Variants in KAT6A observed in about 807,000 individuals in gnomAD.
The protein encoded by KAT6A is lysine acetyltransferase 6A.
In KAT6A, 9 loss-of-function variants were observed where a neutral mutation model predicts 198.4. That is an observed-to-expected ratio of 0.05 (90% CI 0.03 to 0.08). The LOEUF (loss-of-function observed/expected upper bound fraction) is 0.08, where lower values mean the gene tolerates loss of function less well. KAT6A is among the 10% of genes least tolerant of loss of function. KAT6A has a pLI of 1.00. For missense variants in KAT6A, 2,077 were observed against 2,509.9 expected (o/e 0.83, Z 3.69); for synonymous variants, 890 against 883.0 (o/e 1.01, Z -0.14).
At position 42,049,161 on chromosome 8, in the gene KAT6A, C is replaced by A; in HGVS notation, c.-184G>T. 1.7e-6 allele frequency: 1 copy of A among 582,496 alleles called. No homozygotes were observed. Among genetic ancestry groups the A allele is most frequent in the Non-Finnish European group, 3.0e-6 (1 of 337,524 alleles). 36.1% of individuals were successfully genotyped at this position (582,496 alleles called of 1,614,324 possible). ...GCCACCCCAATTGTACTATAGAAAC[C>A]AAAACAACCTGTTGATTGAAATGTC... On this transcript the variant is annotated 5_prime_UTR_variant, in exon 2 of 17. Transcript: ENST00000265713.
chr8:41,949,385 A>G (rs1295780089), intron 9 of KAT6A, 22 bp from the exon 10 acceptor site: 1 of 1,465,940 alleles, frequency 6.8e-7, no homozygotes, highest in Non-Finnish European at 9.0e-7. Context: ...AATTAAACAA[A>G]AAAGACAGGG....
rs370052957 is a variant in KAT6A at position 41,934,176 on chromosome 8, T to G, written c.4044A>C (p.Gln1348His). Reference sequence around the variant, plus strand: ...GCATATTAGCATCTAAAAAAGACTCTTGAACACCAGGCTCCTCCTTGACAT... The same window carrying G: ...GCATATTAGCATCTAAAAAAGACTCGTGAACACCAGGCTCCTCCTTGACAT... ...REDVKEEPGVQESFLDANMQK... is the reference protein window; with the variant it reads ...REDVKEEPGVHESFLDANMQK... Residue 1348 changes from glutamine (Q) to histidine (H), a missense_variant, in exon 17 of 17, where the codon CAA becomes CAC. By Grantham distance (24) the Gln-to-His change is conservative. This residue lies in a region of KAT6A where 375 missense variants were observed against 383.0 expected (regional missense o/e 0.98). Transcript: ENST00000265713. 6.2e-7 allele frequency: 1 copy of G among 1,614,090 alleles called. No individual in the cohort carries two copies. The highest frequency in any genetic ancestry group is 8.5e-7 in the Non-Finnish European group (1 of 1,180,044).
chr8:41,967,148 C>G (rs770206762), intron 8 of KAT6A, among the ~76,000 whole-genome samples: 8 of 152,010 alleles, frequency 5.3e-5, no homozygotes, highest in Non-Finnish European at 2.9e-5. Flanking sequence ...GCATTAAAAT[C>G]TGTATGAAAA....
chr8:42,018,736 AACATGGT>A (rs1414859996), intron 2 of KAT6A, among the ~76,000 whole-genome samples: 2 of 152,108 alleles, frequency 1.3e-5, no homozygotes, highest in African/African-American at 4.8e-5. Flanking sequence ...CCGCCTGGCC[AACATGGT>A]GAAACCCCAT....
intron 2 of KAT6A, among the ~76,000 whole-genome samples, chr8:42,013,026 G>A (rs1826093092): frequency 6.6e-6 from 1 of 150,698 alleles, no homozygotes. Flanking sequence ...TAATAGCTCA[G>A]TGGTTTGCCA....
intron 4 of KAT6A, among the ~76,000 whole-genome samples, chr8:41,981,545 A>G (rs1824358671): frequency 6.6e-6 from 1 of 152,186 alleles, no homozygotes; most frequent in African/African-American, 2.4e-5. Flanking sequence ...TCAACTGACC[A>G]TCCTAAATGA....
chr8:42,027,921 A>T (rs1013417521), intron 2 of KAT6A, among the ~76,000 whole-genome samples: 1 of 152,096 alleles, frequency 6.6e-6, no homozygotes. Flanking sequence ...TATTGGCTGT[A>T]AACTTCCCTC....
At chr8:41,983,762 T>G (rs761865232) in intron 3 of KAT6A, among the ~76,000 whole-genome samples, 28 of 152,216 alleles carry the variant, frequency 1.8e-4, no homozygotes, top group Non-Finnish European at 3.5e-4. Context: ...AAAGAACAAG[T>G]GTTTTAGCAC....
intron 8 of KAT6A, among the ~76,000 whole-genome samples, chr8:41,973,437 C>A (rs1213911238): frequency 6.6e-6 from 1 of 152,080 alleles, no homozygotes; most frequent in African/African-American, 2.4e-5. Flanking sequence ...CCAGGCTGGT[C>A]TCGAATTCCT....
intron 2 of KAT6A, among the ~76,000 whole-genome samples, chr8:41,992,368 G>C (rs903255737): frequency 1.3e-5 from 2 of 152,098 alleles, no homozygotes; most frequent in South Asian, 4.2e-4. Context: ...AAAAGAAATT[G>C]CAATAGGTTT....
intron 10 of KAT6A, among the ~76,000 whole-genome samples, chr8:41,948,562 C>T (rs547121421): frequency 5.3e-5 from 8 of 152,312 alleles, no homozygotes; most frequent in East Asian, 1.9e-4. Context: ...TCTATCAAAA[C>T]GCCAATGGAT....
At chr8:41,964,584 G>T (rs894187324) in intron 8 of KAT6A, among the ~76,000 whole-genome samples, 1 of 146,084 alleles carries the variant, frequency 6.8e-6, no homozygotes, top group Non-Finnish European at 1.5e-5. Flanking sequence ...TTGAATTCAG[G>T]ATGCTCGACG....
intron 8 of KAT6A, among the ~76,000 whole-genome samples, chr8:41,963,661 A>G (rs557032250): frequency 3.8e-4 from 58 of 152,290 alleles, no homozygotes; most frequent in Non-Finnish European, 6.8e-4. Context: ...ATTGCTGACA[A>G]TATCACCAGA....
chr8:42,025,363 C>G (rs1333426494), intron 2 of KAT6A, among the ~76,000 whole-genome samples: 2 of 136,796 alleles, frequency 1.5e-5, no homozygotes, highest in Non-Finnish European at 3.1e-5. Flanking sequence ...AGGTGCCCAC[C>G]ACCATGCCTG....
intron 2 of KAT6A, among the ~76,000 whole-genome samples, chr8:42,031,062 A>C (rs1306095542): frequency 6.7e-5 from 10 of 148,876 alleles, no homozygotes; most frequent in Admixed American, 5.3e-4. Context: ...GGAGAAATGT[A>C]TACATAAAGT....
intron 2 of KAT6A, among the ~76,000 whole-genome samples, chr8:41,996,480 A>C (rs1825209271): frequency 6.6e-6 from 1 of 152,206 alleles, no homozygotes; most frequent in South Asian, 2.1e-4. Context: ...ATAGATTTAA[A>C]TACAAAACAT....
chr8:42,007,083 C>A (rs1825786803), intron 2 of KAT6A, among the ~76,000 whole-genome samples: 1 of 151,196 alleles, frequency 6.6e-6, no homozygotes, highest in Admixed American at 6.6e-5. Context: ...CCAAAACTAT[C>A]ATGCAATTTG....
At position 42,039,931 on chromosome 8, in the gene KAT6A, T is replaced by C. The variant is rs185414067; in HGVS notation, c.600+8447A>G. On this transcript the variant is annotated intron_variant, in intron 2 of 16. Transcript: ENST00000265713. ...TTTTTTTTTCTTTTGTATTTTTTAG[T>C]GGAGACGGGCTTTCACCACGTTAGC... Among the ~76,000 whole-genome samples, 5 of 151,538 alleles carry C rather than the reference T, an allele frequency of 3.3e-5. No homozygotes were observed. The East Asian group carries it at 7.8e-4, about 24-fold the overall frequency.
At chr8:42,030,735 TTTG>T (rs1554698325) in intron 2 of KAT6A, among the ~76,000 whole-genome samples, 2 of 151,714 alleles carry the variant, frequency 1.3e-5, no homozygotes, top group Non-Finnish European at 1.5e-5. Context: ...TGACAAATTT[TTTG>T]TTGTTGTTGT....
Sources: allele counts gnomAD v4.1 joint callset (sites outside exome capture counted in the v4.1 genomes callset), GRCh38; gene constraint gnomAD v4.1.1; regional missense constraint gnomAD v4.1.1; transcripts MANE v1.5; gene names NCBI Gene and HGNC (gene_info 2026-07-23, HGNC 2026-07-21).